Variants in JAKMIP3 observed in about 807,000 individuals in gnomAD.
JAKMIP3 encodes the protein Janus kinase and microtubule interacting protein 3, also known as janus kinase and microtubule-interacting protein 3.
Under a neutral mutation model 118.5 loss-of-function variants are expected in JAKMIP3, and 58 were observed. The ratio of observed to expected loss-of-function variants is 0.49; its 90% CI spans 0.40 to 0.61. JAKMIP3 has a LOEUF of 0.61. Among genes scored for constraint, JAKMIP3 ranks in the 20% least tolerant of loss-of-function variants. JAKMIP3 has a pLI of 0.00. For missense variants in JAKMIP3, 950 were observed against 1,109.0 expected, an observed-to-expected ratio of 0.86 and a Z score of 2.04; for synonymous variants, 486 against 451.2, an observed-to-expected ratio of 1.08 and a Z score of -0.98.
chr10:132,099,057 C>T (rs1436952403), intron 1 of JAKMIP3, among the ~76,000 whole-genome samples: 2 of 152,154 alleles, frequency 1.3e-5, no homozygotes, highest in East Asian at 3.9e-4. Context: ...CCAGGATGCC[C>T]CCGAATCACA....
intron 19 of JAKMIP3, among the ~76,000 whole-genome samples, chr10:132,158,603 A>T (rs116350616): frequency 0.01 from 1,562 of 152,264 alleles, 21 homozygotes; most frequent in African/African-American, 0.034. Flanking sequence ...GACTGGGGGC[A>T]TCCTCCTGTG....
At chr10:132,058,067 C>T (rs1308204322) in intron 1 of JAKMIP3, among the ~76,000 whole-genome samples, 1 of 152,228 alleles carries the variant, frequency 6.6e-6, no homozygotes, top group African/African-American at 2.4e-5. Context: ...AATTAAGGGA[C>T]TGGCTTGGTG....
At chr10:132,140,730 C>T (rs1015592006) in intron 10 of JAKMIP3, among the ~76,000 whole-genome samples, 151 bp downstream of exon 10, 7 of 152,106 alleles carry the variant, frequency 4.6e-5, no homozygotes, top group African/African-American at 7.2e-5. Flanking sequence ...GGAAGCCCTT[C>T]GCGGCCCTCA....
intron 23 of JAKMIP3, among the ~76,000 whole-genome samples, chr10:132,180,740 TGC>T (rs1365602521): frequency 0.061 from 313 of 5,126 alleles, 61 homozygotes; most frequent in East Asian, 0.18. Flanking sequence ...CGTGTGTGCG[TGC>T]GTGCGCGCGC....
intron 23 of JAKMIP3, among the ~76,000 whole-genome samples, chr10:132,178,295 G>T (rs911728045): frequency 1.3e-5 from 2 of 152,246 alleles, no homozygotes; most frequent in Non-Finnish European, 2.9e-5. Context: ...GGCAGACAGG[G>T]AGTTGATAAC....
intron 23 of JAKMIP3, among the ~76,000 whole-genome samples, chr10:132,169,689 G>T (rs1278752481): frequency 6.6e-6 from 1 of 152,210 alleles, no homozygotes; most frequent in South Asian, 2.1e-4. Context: ...CCCACACCGT[G>T]TCTGAGAGCC....
At chr10:132,088,245 A>G (rs1217981935) in intron 1 of JAKMIP3, among the ~76,000 whole-genome samples, 5 of 152,184 alleles carry the variant, frequency 3.3e-5, no homozygotes, top group Non-Finnish European at 7.3e-5. Context: ...GCTGGGTCAA[A>G]TGGTATTTCT....
intron 19 of JAKMIP3, among the ~76,000 whole-genome samples, chr10:132,157,069 C>G (rs944820667): frequency 1.3e-5 from 2 of 152,126 alleles, no homozygotes; most frequent in African/African-American, 2.4e-5. Context: ...CCATGCTTAT[C>G]TGAGGCTTGT....
rs1429204263 is a variant in JAKMIP3 at position 132,180,680 on chromosome 10, CGCGTGTGTGTGCGT to C, written c.*1104-1665_*1104-1652del. On this transcript the variant is annotated intron_variant, in intron 23 of 23. Transcript: ENST00000684848. ...GTGCGTGTGTGCGTGTGTGTGCGCG[CGCGTGTGTGTGCGT>C]GCGTGTGTGTGTGCGCGTGTGTGTG... 8.1e-3 allele frequency among the ~76,000 whole-genome samples: 48 copies of C among 5,950 alleles called. 19 individuals are homozygous for C. The highest frequency in any genetic ancestry group is 0.02 in the Admixed American group (10 of 510). The allele number at this position is 5,950 out of a possible 152,430, so 3.9% of individuals were successfully genotyped here.
intron 1 of JAKMIP3, among the ~76,000 whole-genome samples, chr10:132,056,876 G>A (rs1480649906): frequency 1.3e-5 from 2 of 152,102 alleles, no homozygotes; most frequent in African/African-American, 2.4e-5. Flanking sequence ...AGGCACTCGG[G>A]GGTCCAGCTC....
At chr10:132,180,597 G>C (rs1265764921) in intron 23 of JAKMIP3, among the ~76,000 whole-genome samples, 1 of 51,434 alleles carries the variant, frequency 1.9e-5, no homozygotes, top group African/African-American at 9.0e-5. Context: ...GTGTGTGTGT[G>C]CGTGCGCGTG....
chr10:132,152,877 G>A (rs2056460131), intron 16 of JAKMIP3, 81 bp from the exon 17 acceptor site: 1 of 1,154,064 alleles, frequency 8.7e-7, no homozygotes, highest in African/African-American at 1.5e-5. Flanking sequence ...TCCCCAGTCA[G>A]CTTCCCCATG....
intron 2 of JAKMIP3, among the ~76,000 whole-genome samples, chr10:132,115,510 C>A (rs74526435): frequency 6.6e-6 from 1 of 152,190 alleles, no homozygotes; most frequent in African/African-American, 2.4e-5. Context: ...GGAGTCCTCT[C>A]AGGGGAAATT....
At position 132,141,991 on chromosome 10, in the gene JAKMIP3, C is replaced by A; in HGVS notation, c.1545C>A (p.Ala515=). 1 of 1,606,164 alleles carries A rather than the reference C, an allele frequency of 6.2e-7. No individual in the cohort carries two copies. Residue 515 remains alanine, a synonymous_variant, in exon 11 of 24, where the codon GCC becomes GCA. Coordinates refer to ENST00000684848, the MANE Select transcript of JAKMIP3 (RefSeq NM_001323087.2). ...TGGAGTACCAGGCCCTGCAGCGTGC[C>A]TACGCTTTGTTGCAGGAGCAGGTTG... The part of the protein sequence containing the change: ...LTMEYQALQR[A]YALLQEQVGG...
At chr10:132,048,075 G>A (rs1259326323) in intron 1 of JAKMIP3, among the ~76,000 whole-genome samples, 2 of 152,342 alleles carry the variant, frequency 1.3e-5, no homozygotes, top group Non-Finnish European at 1.5e-5. Context: ...TGACGGGAAC[G>A]AGGTCGTGCA....
At chr10:132,155,202 C>T (rs1254287019) in intron 19 of JAKMIP3, among the ~76,000 whole-genome samples, 1 of 148,876 alleles carries the variant, frequency 6.7e-6, no homozygotes, top group Non-Finnish European at 1.5e-5. Context: ...ATGATGGTGA[C>T]AATAGTGATC....
intron 1 of JAKMIP3, among the ~76,000 whole-genome samples, chr10:132,094,700 G>T (rs1242266378): frequency 5.3e-5 from 8 of 152,160 alleles, no homozygotes; most frequent in Non-Finnish European, 5.9e-5. Flanking sequence ...GTATTTTTGT[G>T]CCGGTTGGCC....
At chr10:132,140,342 C>A in intron 9 of JAKMIP3, 109 bp from the exon 10 acceptor site, 1 of 1,463,546 alleles carries the variant, frequency 6.8e-7, no homozygotes, top group Non-Finnish European at 9.3e-7. Flanking sequence ...GGGAGTGTGT[C>A]GCAGGGTGGG....
chr10:132,117,442 G>A lies in JAKMIP3; in HGVS notation c.501G>A (p.Gln167=), dbSNP rs771919412. The A allele has an allele frequency of 6.2e-7, 1 of 1,614,016 alleles. No individual in the cohort carries two copies. The highest frequency in any genetic ancestry group is 8.5e-7 in the Non-Finnish European group (1 of 1,179,910). ...CCGAGCTCAAGGGCGCCAAAAGGCA[G>A]GTGGAGGAGGCGCTGACGCTGGTGA... ...EISELKGAKR[Q]VEEALTLVIQ... Residue 167 remains glutamine (Q), a synonymous_variant, in exon 3 of 24, where the codon CAG becomes CAA. Coordinates refer to ENST00000684848, the MANE Select transcript of JAKMIP3 (RefSeq NM_001323087.2). The surrounding 1 kb of genome is among the most constrained non-coding windows in gnomAD (Gnocchi z 8.6).
Sources: gnomAD v4.1 joint callset for allele counts (sites outside exome capture counted in the v4.1 genomes callset) on GRCh38, gnomAD v4.1.1 for gene constraint, Gnocchi (gnomAD v3.1) non-coding constraint, MANE v1.5 for transcripts, NCBI Gene and HGNC (gene_info 2026-07-23, HGNC 2026-07-21) for gene names.